Variants in ABCB10 observed in about 807,000 individuals in gnomAD.
ABCB10 encodes the protein ATP-binding cassette sub-family B member 10, mitochondrial.
ABCB10 carries 54 observed loss-of-function variants against 65.4 expected under a neutral mutation model. That is an observed-to-expected ratio of 0.83 (90% confidence interval 0.66 to 1.04). The LOEUF is 1.04. ABCB10 is among the 50% of genes least tolerant of loss of function. ABCB10 has a pLI of 0.00. For synonymous variants in ABCB10, 418 were observed against 406.5 expected (o/e 1.03, Z -0.34); for missense variants, 846 against 976.6 (o/e 0.87, Z 1.78).
At chr1:229,529,380 T>G (rs1356129297) in intron 8 of ABCB10, among the ~76,000 whole-genome samples, 6 of 132,156 alleles carry the variant, frequency 4.5e-5, no homozygotes, top group African/African-American at 1.7e-4. Flanking sequence ...CACATAGAAG[T>G]TAATCACTGG....
chr1:229,530,467 A>G, intron 7 of ABCB10, 59 bp from the exon 8 acceptor site: 2 of 1,575,606 alleles, frequency 1.3e-6, no homozygotes, highest in Non-Finnish European at 1.7e-6. Context: ...CAAAAGCTGA[A>G]CTCGGTTCTC....
At chr1:229,533,722 T>C (rs1428681859) in intron 6 of ABCB10, among the ~76,000 whole-genome samples, 1 of 152,186 alleles carries the variant, frequency 6.6e-6, no homozygotes, top group African/African-American at 2.4e-5. Flanking sequence ...CTAGAACAAC[T>C]GAATATCCAC....
At chr1:229,519,004 T>C in intron 11 of ABCB10, 129 bp from the exon 12 acceptor site, 1 of 688,904 alleles carries the variant, frequency 1.5e-6, no homozygotes, top group Non-Finnish European at 2.4e-6. Flanking sequence ...TTATGCTAAG[T>C]GAAAGAAGCC....
chr1:229,548,882 C>T (rs779773710), intron 2 of ABCB10, among the ~76,000 whole-genome samples: 80 of 151,880 alleles, frequency 5.3e-4, no homozygotes, highest in Non-Finnish European at 1.0e-3. Flanking sequence ...AGGCTGGTCT[C>T]GAACTCCTGA....
Position 229,521,591 on chromosome 1 carries a change from C to A in ABCB10, c.1950+1G>T. ...AAACATCCAAGTCGCTTCAGGCTTA[C>A]CTTTAGCAGAGCACGGGCAATCGCA... On this transcript the variant is annotated splice_donor_variant, in intron 11 of 12. Coordinates refer to ENST00000344517, the MANE Select transcript of ABCB10 (RefSeq NM_012089.3). LOFTEE classifies it high-confidence loss of function. 1 of 1,607,376 alleles carries A rather than the reference C, an allele frequency of 6.2e-7. No homozygotes were observed. Among genetic ancestry groups the A allele is most frequent in the Non-Finnish European group, 8.5e-7 (1 of 1,176,296 alleles).
In ABCB10 at chr1:229,542,372, C is replaced by T. The variant is rs936057822; in HGVS notation, c.922-1G>A. 6 of 1,606,092 alleles carry T rather than the reference C, an allele frequency of 3.7e-6. No individual in the cohort carries two copies. In the East Asian group the frequency reaches 1.1e-4, roughly 30 times the overall value. On this transcript the variant is annotated splice_acceptor_variant, in intron 3 of 12. Coordinates refer to ENST00000344517, the MANE Select transcript of ABCB10 (RefSeq NM_012089.3). LOFTEE classifies it high-confidence loss of function. Reference sequence around the variant, plus strand: ...TGGCCAGATTAGGTGAGACAAAAAACTGTCAAAAACAAAAAAAAATTCAGA... The same window carrying T: ...TGGCCAGATTAGGTGAGACAAAAAATTGTCAAAAACAAAAAAAAATTCAGA...
intron 1 of ABCB10, among the ~76,000 whole-genome samples, chr1:229,555,741 G>A (rs578138979): frequency 2.6e-4 from 40 of 152,136 alleles, no homozygotes; most frequent in African/African-American, 8.2e-4. Context: ...ATACACACAC[G>A]CAATTGCTCT....
In ABCB10 at chr1:229,558,434, C is replaced by G. The variant is rs1331901598; in HGVS notation, c.219G>C (p.Arg73=). 9.9e-6 allele frequency: 12 copies of G among 1,211,390 alleles called. No individual in the cohort carries two copies. In the African/African-American group the frequency reaches 1.6e-4, roughly 16 times the overall value. 75.0% of individuals were successfully genotyped at this position (1,211,390 alleles called of 1,614,324 possible). A position where few individuals can be genotyped will look rare whatever the true frequency, so the allele number is the denominator to read the frequency against. The stretch of plus-strand genomic sequence containing the variant: ...CCCGCGAGGCGCCCGGACCCCCGCC[C>G]CGGCAGCCGCTCCTCCAGCGGCGCG... ...GAARRWRSGC[R]GGGPGASRGV... The change falls in exon 1 of 13, where the codon CGG becomes CGC. Residue 73 remains arginine (R), a synonymous_variant. Coordinates refer to ENST00000344517, the MANE Select transcript of ABCB10 (RefSeq NM_012089.3).
At chr1:229,529,722 T>C (rs190547823) in intron 8 of ABCB10, among the ~76,000 whole-genome samples, 6 of 147,690 alleles carry the variant, frequency 4.1e-5, no homozygotes, top group Non-Finnish European at 8.9e-5. Context: ...CCAAGTTAAC[T>C]GTGTGCACAA....
intron 9 of ABCB10, among the ~76,000 whole-genome samples, chr1:229,526,983 T>C (rs1183100808): frequency 6.6e-6 from 1 of 152,060 alleles, no homozygotes; most frequent in Non-Finnish European, 1.5e-5. Context: ...CTCTAGACTA[T>C]CTAGTAATGG....
In ABCB10 at chr1:229,558,125, G is replaced by A; in HGVS notation, c.517+11C>T. 1.4e-6 allele frequency: 2 copies of A among 1,381,936 alleles called. No individual in the cohort carries two copies. The highest frequency in any genetic ancestry group is 1.5e-5 in the South Asian group (1 of 64,942). 85.6% of individuals were successfully genotyped at this position (1,381,936 alleles called of 1,614,324 possible). On this transcript the variant is annotated intron_variant, in intron 1 of 12. Coordinates refer to ENST00000344517, the MANE Select transcript of ABCB10 (RefSeq NM_012089.3). Reference sequence around the variant, plus strand: ...GGCCCGGCGGAGGGAAGTGGCCGGGGAGGACCCTACCTGCCAGCCTCCGGC... The same window carrying A: ...GGCCCGGCGGAGGGAAGTGGCCGGGAAGGACCCTACCTGCCAGCCTCCGGC...
chr1:229,542,153 G>A (rs1662864780), intron 4 of ABCB10, 84 bp downstream of exon 4: 15 of 1,501,098 alleles, frequency 1.0e-5, no homozygotes, highest in Non-Finnish European at 1.3e-5. Context: ...AAAAACCTAA[G>A]TACATCCCTT....
intron 9 of ABCB10, among the ~76,000 whole-genome samples, 160 bp from the exon 10 acceptor site, chr1:229,526,276 C>T (rs1662442875): frequency 6.6e-6 from 1 of 152,212 alleles, no homozygotes; most frequent in South Asian, 2.1e-4. Flanking sequence ...GACCTCACAG[C>T]AGGTGCCCGC....
intron 3 of ABCB10, among the ~76,000 whole-genome samples, chr1:229,547,105 A>G (rs377353193): frequency 1.3e-5 from 2 of 152,096 alleles, no homozygotes; most frequent in African/African-American, 4.8e-5. Context: ...GGGAGTGAAG[A>G]GCTCTCCCCT....
In ABCB10 at chr1:229,545,348, C is replaced by G. The variant is rs558089242; in HGVS notation, c.921+2151G>C. On this transcript the variant is annotated intron_variant, in intron 3 of 12. Coordinates refer to ENST00000344517, the MANE Select transcript of ABCB10 (RefSeq NM_012089.3). ...AGTCAGATCTAATAGGCAACACACC[C>G]TTCCTCTCTAAGTGCTTCATGGGAC... Among the ~76,000 whole-genome samples the G allele has an allele frequency of 4.6e-5, 7 of 152,306 alleles. No homozygotes were observed. The East Asian group carries it at 1.4e-3, about 29-fold the overall frequency.
intron 6 of ABCB10, chr1:229,535,057 A>G (rs1239689410): frequency 6.7e-6 from 1 of 148,856 alleles, no homozygotes; most frequent in African/African-American, 2.5e-5. Context: ...AAAAAAAAAA[A>G]AAAAAAAAAA....
intron 6 of ABCB10, among the ~76,000 whole-genome samples, chr1:229,537,789 C>T (rs1344377595): frequency 1.3e-4 from 20 of 151,914 alleles, no homozygotes; most frequent in Admixed American, 1.3e-3. Flanking sequence ...GACTCCATCT[C>T]CAAATAAATA....
chr1:229,555,093 G>C (rs1663214196), intron 1 of ABCB10, among the ~76,000 whole-genome samples: 1 of 152,136 alleles, frequency 6.6e-6, no homozygotes, highest in South Asian at 2.1e-4. Flanking sequence ...CATGTGTGCA[G>C]TCCACAGTTT....
In ABCB10 at chr1:229,547,531, C is replaced by T. The variant is rs781467605; in HGVS notation, c.889G>A (p.Gly297Arg). 6.8e-6 allele frequency: 11 copies of T among 1,613,400 alleles called. No individual in the cohort carries two copies. The highest frequency in any genetic ancestry group is 2.2e-5 in the East Asian group (1 of 44,882). ...CTGATGCCTACGGAAGCCTGGGCCC[C>T]GGCCCTGAGCCCATCTGAGAGGTTT... ...TENLSDGLRA[G>R]AQASVGISMM... Residue 297 changes from glycine to arginine, a missense_variant, in exon 3 of 13, where the codon GGG becomes AGG. Coordinates refer to ENST00000344517, the MANE Select transcript of ABCB10 (RefSeq NM_012089.3).
Sources: allele counts gnomAD v4.1 joint callset (sites outside exome capture counted in the v4.1 genomes callset), GRCh38; gene constraint gnomAD v4.1.1; transcripts MANE v1.5; gene names NCBI Gene and HGNC (gene_info 2026-07-23, HGNC 2026-07-21).